Variants in PHKB observed in about 807,000 individuals in gnomAD.
PHKB encodes phosphorylase b kinase regulatory subunit beta.
In PHKB, 122 loss-of-function variants were observed where a neutral mutation model predicts 152.1. The observed-to-expected ratio is 0.80, with a 90% CI of 0.69 to 0.93. PHKB has a LOEUF of 0.93. Among genes scored for constraint, PHKB ranks in the 40% least tolerant of loss-of-function variants. The pLI, the probability that PHKB is intolerant of heterozygous loss-of-function variation, is 0.00. For synonymous variants in PHKB, 436 were observed against 464.9 expected, an observed-to-expected ratio of 0.94 and a Z score of 0.80; for missense variants, 1,304 against 1,328.4, an observed-to-expected ratio of 0.98 and a Z score of 0.29.
intron 4 of PHKB, among the ~76,000 whole-genome samples, chr16:47,508,111 A>G (rs1391029445): frequency 6.6e-6 from 1 of 152,154 alleles, no homozygotes; most frequent in Non-Finnish European, 1.5e-5. Flanking sequence ...TTCCTGATGT[A>G]TTTTCTAAAA....
chr16:47,496,424 A>G (rs562302391), intron 1 of PHKB, among the ~76,000 whole-genome samples: 1 of 152,122 alleles, frequency 6.6e-6, no homozygotes, highest in Non-Finnish European at 1.5e-5. Flanking sequence ...GGACATAGCA[A>G]TTTTATGAGT....
At chr16:47,585,975 A>G (rs1240934314) in intron 8 of PHKB, among the ~76,000 whole-genome samples, 1 of 152,106 alleles carries the variant, frequency 6.6e-6, no homozygotes, top group Admixed American at 6.6e-5. Flanking sequence ...TATAGCTCCT[A>G]TTTTTTGTGT....
intron 1 of PHKB, among the ~76,000 whole-genome samples, chr16:47,465,200 C>T (rs1205584132): frequency 3.3e-5 from 5 of 152,158 alleles, no homozygotes; most frequent in Admixed American, 1.3e-4. Flanking sequence ...CTGATTTTAT[C>T]TTTGAACTAA....
chr16:47,502,781 G>A (rs1970344031), intron 3 of PHKB, among the ~76,000 whole-genome samples: 1 of 152,088 alleles, frequency 6.6e-6, no homozygotes, highest in African/African-American at 2.4e-5. Flanking sequence ...CTTGAAAGAA[G>A]GAAAAATCTG....
intron 6 of PHKB, among the ~76,000 whole-genome samples, chr16:47,536,399 G>A (rs1023101405): frequency 6.6e-6 from 1 of 152,182 alleles, no homozygotes; most frequent in Non-Finnish European, 1.5e-5. Flanking sequence ...TCCTCAAGAG[G>A]CCAGTTCTTA....
intron 6 of PHKB, among the ~76,000 whole-genome samples, chr16:47,540,137 G>T (rs1004463043): frequency 1.3e-5 from 2 of 152,068 alleles, no homozygotes; most frequent in Non-Finnish European, 1.5e-5. Context: ...CTTGGGGAAG[G>T]TCTATAAACG....
At chr16:47,546,898 G>T (rs1971179175) in intron 6 of PHKB, among the ~76,000 whole-genome samples, 1 of 152,134 alleles carries the variant, frequency 6.6e-6, no homozygotes, top group Admixed American at 6.6e-5. Context: ...CATGGCCATG[G>T]GACCCGCTGA....
intron 29 of PHKB, among the ~76,000 whole-genome samples, chr16:47,697,771 C>G (rs1454639394): frequency 6.6e-6 from 1 of 152,130 alleles, no homozygotes; most frequent in Non-Finnish European, 1.5e-5. Flanking sequence ...ATTATTTTTG[C>G]TTATAGGAAT....
At chr16:47,697,078 T>C (rs1045748714) in intron 29 of PHKB, among the ~76,000 whole-genome samples, 34 of 152,232 alleles carry the variant, frequency 2.2e-4, no homozygotes, top group African/African-American at 7.7e-4. Flanking sequence ...CCTTTTGTCA[T>C]GTTAAACATC....
At chr16:47,593,122 G>GGAGA (rs1013175169) in intron 10 of PHKB, among the ~76,000 whole-genome samples, 1 of 146,442 alleles carries the variant, frequency 6.8e-6, no homozygotes, top group Non-Finnish European at 1.5e-5. Flanking sequence ...GGGGGGGGAG[G>GGAGA]GAGAGAGAGA....
chr16:47,563,975 CA>C (rs1384268155), intron 7 of PHKB, among the ~76,000 whole-genome samples: 1 of 145,692 alleles, frequency 6.9e-6, no homozygotes, highest in Admixed American at 6.9e-5. Context: ...CAGATTGCTG[CA>C]AAAGACATTA....
chr16:47,609,266 T>C (rs1384007973), intron 13 of PHKB, among the ~76,000 whole-genome samples: 1 of 152,162 alleles, frequency 6.6e-6, no homozygotes, highest in Non-Finnish European at 1.5e-5. Flanking sequence ...GGTTATGATG[T>C]GTAATCCCTT....
intron 6 of PHKB, among the ~76,000 whole-genome samples, chr16:47,519,261 T>A (rs1161596850): frequency 6.6e-6 from 1 of 152,218 alleles, no homozygotes; most frequent in Admixed American, 6.5e-5. Context: ...GGATGACACA[T>A]GGAATTTCTC....
chr16:47,470,108 G>A (rs978196681), intron 1 of PHKB, among the ~76,000 whole-genome samples: 1 of 152,170 alleles, frequency 6.6e-6, no homozygotes, highest in Admixed American at 6.5e-5. Context: ...ACCCAGCGGC[G>A]CTAGAGGAAT....
chr16:47,582,790 T>A (rs1175228247), intron 8 of PHKB, among the ~76,000 whole-genome samples: 2 of 151,870 alleles, frequency 1.3e-5, no homozygotes, highest in Non-Finnish European at 2.9e-5. Context: ...GATAATGTCT[T>A]CTTTCTTTCT....
At chr16:47,606,115 ACT>A (rs1432760415) in intron 13 of PHKB, among the ~76,000 whole-genome samples, 4 of 152,270 alleles carry the variant, frequency 2.6e-5, no homozygotes, top group African/African-American at 7.2e-5. Context: ...GCTCTGGCAG[ACT>A]CTGCTTCTAC....
intron 18 of PHKB, among the ~76,000 whole-genome samples, chr16:47,649,419 C>T (rs1567341255): frequency 1.3e-5 from 2 of 151,994 alleles, no homozygotes; most frequent in Non-Finnish European, 2.9e-5. Flanking sequence ...TGTATGACTG[C>T]CCCTTGTGCC....
At chr16:47,576,682 T>C (rs529416042) in intron 7 of PHKB, among the ~76,000 whole-genome samples, 7 of 152,350 alleles carry the variant, frequency 4.6e-5, no homozygotes, top group African/African-American at 1.4e-4. Flanking sequence ...TCTTCGTGGA[T>C]TGATCTTTTT....
intron 20 of PHKB, among the ~76,000 whole-genome samples, chr16:47,652,675 C>T (rs1477047040): frequency 1.3e-5 from 2 of 152,014 alleles, no homozygotes; most frequent in Admixed American, 1.3e-4. Context: ...GACAGGGTCT[C>T]GCTCTGTCCT....
Sources: allele counts gnomAD v4.1 joint callset (sites outside exome capture counted in the v4.1 genomes callset), GRCh38; gene constraint gnomAD v4.1.1; transcripts MANE v1.5; gene names NCBI Gene and HGNC (gene_info 2026-07-23, HGNC 2026-07-21).